The following DIP2B variants were observed in gnomAD, a reference collection of about 807,000 sequenced individuals.
DIP2B encodes disco-interacting protein 2 homolog B.
DIP2B carries 76 observed loss-of-function variants against 198.0 expected under a neutral mutation model. That is an observed-to-expected ratio of 0.38 (90% CI 0.32 to 0.46). DIP2B has a LOEUF of 0.46. DIP2B is among the 20% of genes least tolerant of loss of function. DIP2B has a pLI of 0.99. For missense variants in DIP2B, 1,559 were observed against 1,978.4 expected (o/e 0.79, Z 4.02); for synonymous variants, 701 against 739.1 (o/e 0.95, Z 0.84).
intron 1 of DIP2B, among the ~76,000 whole-genome samples, chr12:50,576,131 G>A (rs530536665): frequency 2.0e-5 from 3 of 150,984 alleles, no homozygotes; most frequent in South Asian, 2.1e-4. Flanking sequence ...GTGCAGTGGC[G>A]TGATCTCGGC....
chr12:50,576,378 T>TA (rs1555185190), intron 1 of DIP2B, among the ~76,000 whole-genome samples: 1 of 151,404 alleles, frequency 6.6e-6, no homozygotes, highest in East Asian at 1.9e-4. Context: ...TTTTTTTTTT[T>TA]ACATTTTTAA....
intron 1 of DIP2B, among the ~76,000 whole-genome samples, chr12:50,510,943 C>A (rs1593564563): frequency 3.4e-5 from 2 of 58,986 alleles, no homozygotes; most frequent in Non-Finnish European, 7.5e-5. Context: ...CTGCGCCTGG[C>A]TTTCTTTTTT....
chr12:50,704,159 C>T lies in DIP2B; in HGVS notation c.2345C>T (p.Ala782Val). Reference sequence around the variant, plus strand: ...TCTTAGGTAATTCCAGTGAATTCTGCAGGCTCTCCTGTTGGGGATGTGCCA... The same window carrying T: ...TCTTAGGTAATTCCAGTGAATTCTGTAGGCTCTCCTGTTGGGGATGTGCCA... ...NTFEVIPVNS[A>V]GSPVGDVPFI... The change falls in exon 20 of 38, where the codon GCA (alanine) becomes GTA (valine). Residue 782 changes from alanine (A) to valine (V), a missense_variant. Ala to Val is a moderately conservative substitution (Grantham distance 64). Coordinates refer to ENST00000301180, the MANE Select transcript of DIP2B (RefSeq NM_173602.3). The T allele has an allele frequency of 2.5e-6, 4 of 1,609,052 alleles. No individual in the cohort carries two copies. The highest frequency in any genetic ancestry group is 2.2e-5 in the East Asian group (1 of 44,480).
Position 50,675,405 on chromosome 12 carries a change from C to T in DIP2B, c.873C>T (p.Pro291=), listed in dbSNP as rs762367252. The stretch of plus-strand genomic sequence containing the variant: ...CTCTGAAACGACCCAAAAGGCCTCC[C>T]TTAAAGGAATTTTTTGTGGATGACT... ...LNTLKRPKRP[P]LKEFFVDDSE... The change falls in exon 7 of 38, where the codon CCC becomes CCT. Residue 291 remains proline, a synonymous_variant. Transcript: ENST00000301180. 2 of 1,613,778 alleles carry T rather than the reference C, an allele frequency of 1.2e-6. No homozygotes were observed. The highest frequency in any genetic ancestry group is 2.2e-5 in the East Asian group (1 of 44,850).
At chr12:50,679,007 A>T in intron 8 of DIP2B, 131 bp downstream of exon 8, 1 of 1,066,550 alleles carries the variant, frequency 9.4e-7, no homozygotes, top group Non-Finnish European at 1.3e-6. Context: ...ATTTAAAAGG[A>T]TCCTAAGCTC....
At chr12:50,739,612 AC>A (rs747479922) in intron 36 of DIP2B, 26 bp downstream of exon 36, 194 of 1,609,632 alleles carry the variant, frequency 1.2e-4, no homozygotes, top group Non-Finnish European at 1.3e-4. Flanking sequence ...CTCCCCATTG[AC>A]CCTGCTTTGT....
At chr12:50,616,234 C>G (rs1937698947) in intron 1 of DIP2B, among the ~76,000 whole-genome samples, 1 of 152,170 alleles carries the variant, frequency 6.6e-6, no homozygotes, top group Admixed American at 6.5e-5. Context: ...TGGAAATTGT[C>G]TAGTCATTGT....
intron 10 of DIP2B, among the ~76,000 whole-genome samples, chr12:50,683,655 C>T (rs1420356373): frequency 1.3e-5 from 2 of 151,938 alleles, no homozygotes; most frequent in African/African-American, 4.8e-5. Context: ...TGGTGGCGGG[C>T]GCCTGTGGTC....
intron 2 of DIP2B, among the ~76,000 whole-genome samples, chr12:50,634,953 T>C (rs1342344954): frequency 6.6e-6 from 1 of 152,198 alleles, no homozygotes; most frequent in African/African-American, 2.4e-5. Context: ...CTCTTGTAGA[T>C]TGATCCTGGC....
intron 2 of DIP2B, among the ~76,000 whole-genome samples, chr12:50,626,991 A>G (rs1316358228): frequency 6.6e-6 from 1 of 152,226 alleles, no homozygotes; most frequent in Non-Finnish European, 1.5e-5. Flanking sequence ...TAGAGAAACT[A>G]GTAGGTCAAT....
At chr12:50,672,435 G>A (rs1938871526) in intron 5 of DIP2B, among the ~76,000 whole-genome samples, 1 of 152,164 alleles carries the variant, frequency 6.6e-6, no homozygotes, top group South Asian at 2.1e-4. Context: ...GAGCAACAGA[G>A]CCATGGTTGC....
intron 3 of DIP2B, among the ~76,000 whole-genome samples, chr12:50,643,564 G>A (rs1421569675): frequency 6.6e-6 from 1 of 152,048 alleles, no homozygotes; most frequent in Non-Finnish European, 1.5e-5. Flanking sequence ...ATCCTATCAG[G>A]AGGGGAACAT....
At chr12:50,533,544 A>T (rs1206621402) in intron 1 of DIP2B, among the ~76,000 whole-genome samples, 1 of 151,880 alleles carries the variant, frequency 6.6e-6, no homozygotes, top group African/African-American at 2.4e-5. Context: ...GTAAGAAGGG[A>T]TTTCACCTAC....
At chr12:50,700,838 GT>G (rs1939404436) in intron 19 of DIP2B, among the ~76,000 whole-genome samples, 4 of 152,160 alleles carry the variant, frequency 2.6e-5, no homozygotes, top group Non-Finnish European at 5.9e-5. Context: ...CCTCCCTTGA[GT>G]GTATATACAT....
intron 36 of DIP2B, among the ~76,000 whole-genome samples, chr12:50,740,496 G>A (rs1412981696): frequency 6.6e-6 from 1 of 152,196 alleles, no homozygotes; most frequent in Non-Finnish European, 1.5e-5. Flanking sequence ...GCCAAGAACG[G>A]TGCCTGGCAC....
chr12:50,680,569 G>A (rs1939022942), intron 8 of DIP2B, 103 bp from the exon 9 acceptor site: 1 of 1,007,644 alleles, frequency 9.9e-7, no homozygotes. Flanking sequence ...TTTGGAAGTG[G>A]CCATTGTCTC....
intron 37 of DIP2B, among the ~76,000 whole-genome samples, chr12:50,743,361 G>A (rs577153339): frequency 3.9e-5 from 6 of 152,302 alleles, no homozygotes; most frequent in African/African-American, 1.4e-4. Flanking sequence ...GATTACAGGC[G>A]TGAGCCACCG....
intron 12 of DIP2B, among the ~76,000 whole-genome samples, chr12:50,690,536 A>G (rs1939206853): frequency 6.6e-6 from 1 of 152,214 alleles, no homozygotes; most frequent in South Asian, 2.1e-4. Context: ...GAAAGAAAGA[A>G]AGGAAAGTTG....
chr12:50,697,875 T>G (rs1370009738), intron 17 of DIP2B, among the ~76,000 whole-genome samples: 1 of 152,024 alleles, frequency 6.6e-6, no homozygotes, highest in African/African-American at 2.4e-5. Flanking sequence ...ATTTTGCTGG[T>G]TTATGTGTTT....
Sources: gnomAD v4.1 joint callset for allele counts (sites outside exome capture counted in the v4.1 genomes callset) on GRCh38, gnomAD v4.1.1 for gene constraint, MANE v1.5 for transcripts, NCBI Gene and HGNC (gene_info 2026-07-23, HGNC 2026-07-21) for gene names.